Variants in STAU2 observed in about 807,000 individuals in gnomAD.
The protein encoded by STAU2 is double-stranded RNA-binding protein Staufen homolog 2.
In STAU2, 20 loss-of-function variants were observed where a neutral mutation model predicts 65.9. The observed-to-expected ratio is 0.30, with a 90% CI of 0.21 to 0.44. The LOEUF is 0.44. Ranked by LOEUF, STAU2 falls within the 20% of genes least tolerant of loss-of-function variation. STAU2 has a pLI of 1.00. For missense variants in STAU2, 558 were observed against 683.9 expected (o/e 0.82, Z 2.05); for synonymous variants, 232 against 233.9 (o/e 0.99, Z 0.07).
chr8:73,721,002 A>C (rs1821617086), intron 3 of STAU2, among the ~76,000 whole-genome samples: 1 of 151,308 alleles, frequency 6.6e-6, no homozygotes, highest in South Asian at 2.1e-4. Flanking sequence ...TTTCATGGCC[A>C]GGCACCATGG....
At position 73,736,705 on chromosome 8, in the gene STAU2, T is replaced by A. The variant is rs553520622; in HGVS notation, c.-18+1579A>T. The stretch of plus-strand genomic sequence containing the variant: ...AAGATGTATAAAGACATCCAAGAGA[T>A]CAAGGTGGTAAATGCTACATGAGTT... On this transcript the variant is annotated intron_variant, in intron 3 of 14. Coordinates refer to ENST00000524300, the MANE Select transcript of STAU2 (RefSeq NM_001164380.2). 5.3e-5 allele frequency among the ~76,000 whole-genome samples: 8 copies of A among 152,170 alleles called. No individual in the cohort carries two copies. In the South Asian group the frequency reaches 1.7e-3, roughly 32 times the overall value.
At chr8:73,702,384 TACA>T (rs1820174169) in intron 4 of STAU2, among the ~76,000 whole-genome samples, 1 of 152,152 alleles carries the variant, frequency 6.6e-6, no homozygotes, top group South Asian at 2.1e-4. Flanking sequence ...GAGAGATGAT[TACA>T]ACAAGGAATG....
At chr8:73,746,552 C>T (rs1807301286) in intron 1 of STAU2, among the ~76,000 whole-genome samples, 1 of 151,934 alleles carries the variant, frequency 6.6e-6, no homozygotes, top group African/African-American at 2.4e-5. Flanking sequence ...ACCCCCCACC[C>T]CAATTCCTTC....
intron 3 of STAU2, among the ~76,000 whole-genome samples, chr8:73,726,414 C>G (rs930229099): frequency 6.6e-6 from 1 of 152,120 alleles, no homozygotes; most frequent in African/African-American, 2.4e-5. Flanking sequence ...CACCTGTTTC[C>G]CAAAAACTGT....
chr8:73,500,326 G>T (rs185049435), intron 13 of STAU2, among the ~76,000 whole-genome samples: 5 of 151,990 alleles, frequency 3.3e-5, no homozygotes, highest in Middle Eastern at 3.4e-3. Flanking sequence ...CTACCACTTC[G>T]TTGGTGTGGA....
Position 73,706,817 on chromosome 8 carries a change from A to G in STAU2, c.114+2215T>C, listed in dbSNP as rs562597363. ...AATAAGAAGAGACCCACTGTCATCT[A>G]CTTTCATCACAACCAACCTGTTTAG... is the stretch of plus-strand genomic sequence containing the variant. On this transcript the variant is annotated intron_variant, in intron 4 of 14. Coordinates refer to ENST00000524300, the MANE Select transcript of STAU2 (RefSeq NM_001164380.2). Among the ~76,000 whole-genome samples the G allele has an allele frequency of 8.5e-5, 13 of 152,326 alleles. No individual in the cohort carries two copies. The South Asian group carries it at 2.3e-3, about 27-fold the overall frequency.
chr8:73,698,471 C>A (rs184694458), intron 4 of STAU2, among the ~76,000 whole-genome samples: 3 of 151,384 alleles, frequency 2.0e-5, no homozygotes, highest in Admixed American at 6.6e-5. Context: ...TCCATGGCAA[C>A]GGAAACCAAA....
intron 5 of STAU2, among the ~76,000 whole-genome samples, chr8:73,685,533 C>G: frequency 6.6e-6 from 1 of 151,902 alleles, no homozygotes; most frequent in Non-Finnish European, 1.5e-5. Flanking sequence ...CCCGCCACTG[C>G]CCGGCTAATT....
intron 4 of STAU2, among the ~76,000 whole-genome samples, chr8:73,695,631 C>T (rs1819644480): frequency 1.3e-5 from 2 of 152,130 alleles, no homozygotes; most frequent in African/African-American, 4.8e-5. Context: ...TCAGCCACAG[C>T]AGGAAGAGCA....
Position 73,577,045 on chromosome 8 carries a change from C to A in STAU2, c.1222+5725G>T, listed in dbSNP as rs182300375. ...TTCAGAAATTGAAATTTCATTCAGA[C>A]TCTAGAAAACTGTTTCTTCTTCTTT... On this transcript the variant is annotated intron_variant, in intron 12 of 14. Coordinates refer to ENST00000524300, the MANE Select transcript of STAU2 (RefSeq NM_001164380.2). Among the ~76,000 whole-genome samples, 135 of 152,290 alleles carry A rather than the reference C, an allele frequency of 8.9e-4. 1 individual carries two copies. Among genetic ancestry groups the A allele is most frequent in the African/African-American group, 3.1e-3 (129 of 41,562 alleles).
chr8:73,569,010 C>A (rs1305444167), intron 12 of STAU2, among the ~76,000 whole-genome samples: 2 of 152,138 alleles, frequency 1.3e-5, no homozygotes, highest in East Asian at 3.9e-4. Context: ...CAGGGTGGGG[C>A]ATCATCTCAC....
intron 11 of STAU2, among the ~76,000 whole-genome samples, chr8:73,586,981 T>A (rs1200396833): frequency 6.6e-6 from 1 of 152,262 alleles, no homozygotes; most frequent in East Asian, 1.9e-4. Context: ...TTAAAGTATA[T>A]GAATTTCTAG....
intron 13 of STAU2, among the ~76,000 whole-genome samples, chr8:73,530,124 G>C (rs1226880356): frequency 1.3e-5 from 2 of 152,104 alleles, no homozygotes; most frequent in African/African-American, 2.4e-5. Flanking sequence ...AAGGGAACTG[G>C]GTCCATGAGG....
At chr8:73,628,521 T>C (rs917484565) in intron 6 of STAU2, among the ~76,000 whole-genome samples, 4 of 152,190 alleles carry the variant, frequency 2.6e-5, no homozygotes, top group African/African-American at 9.7e-5. Context: ...GCAGCAGATA[T>C]CATCTTTGGT....
At chr8:73,672,181 C>G (rs1238314879) in intron 6 of STAU2, 3 of 151,848 alleles carry the variant, frequency 2.0e-5, no homozygotes, top group Non-Finnish European at 4.4e-5. Context: ...AGGGCAAAAC[C>G]CAGATATAAG....
chr8:73,455,618 G>T (rs886779267), intron 13 of STAU2, among the ~76,000 whole-genome samples: 2 of 152,092 alleles, frequency 1.3e-5, no homozygotes, highest in African/African-American at 4.8e-5. Flanking sequence ...CTCTGCTGAG[G>T]TTATTCCCTA....
intron 13 of STAU2, among the ~76,000 whole-genome samples, chr8:73,473,055 C>G (rs1166532695): frequency 6.6e-6 from 1 of 152,076 alleles, no homozygotes; most frequent in Non-Finnish European, 1.5e-5. Context: ...CACACAATAG[C>G]CAAGGTGCAC....
intron 12 of STAU2, among the ~76,000 whole-genome samples, chr8:73,581,023 G>A (rs1809938320): frequency 6.6e-6 from 1 of 152,098 alleles, no homozygotes; most frequent in African/African-American, 2.4e-5. Context: ...AACCCGTTAT[G>A]CATTCTTACA....
At chr8:73,515,571 T>C (rs1018227425) in intron 13 of STAU2, among the ~76,000 whole-genome samples, 3 of 152,018 alleles carry the variant, frequency 2.0e-5, no homozygotes, top group African/African-American at 4.8e-5. Flanking sequence ...AAAAGTACCA[T>C]AGGCCAAGAC....
Sources: gnomAD v4.1 joint callset for allele counts (sites outside exome capture counted in the v4.1 genomes callset) on GRCh38, gnomAD v4.1.1 for gene constraint, MANE v1.5 for transcripts, NCBI Gene and HGNC (gene_info 2026-07-23, HGNC 2026-07-21) for gene names.